The following SND1 variants were observed in gnomAD, a reference collection of about 807,000 sequenced individuals.
The protein encoded by SND1 is staphylococcal nuclease domain-containing protein 1.
SND1 carries 38 observed loss-of-function variants against 121.7 expected under a neutral mutation model. The ratio of observed to expected loss-of-function variants is 0.31; its 90% CI spans 0.24 to 0.41. The LOEUF (loss-of-function observed/expected upper bound fraction) is 0.41, where lower values mean the gene tolerates loss of function less well. Among genes scored for constraint, SND1 ranks in the 10% least tolerant of loss-of-function variants. The pLI is 1.00. For missense variants in SND1, 868 were observed against 1,184.6 expected, an observed-to-expected ratio of 0.73 and a Z score of 3.92; for synonymous variants, 401 against 447.4, an observed-to-expected ratio of 0.90 and a Z score of 1.31.
chr7:127,819,997 T>A (rs954607043), intron 11 of SND1, among the ~76,000 whole-genome samples: 3 of 152,194 alleles, frequency 2.0e-5, no homozygotes, highest in Admixed American at 1.3e-4. Flanking sequence ...TGACTTTAAT[T>A]ATCTTAATCA....
In SND1 at chr7:127,807,510, G is replaced by T; in HGVS notation, c.1179G>T (p.Leu393=). 1 of 1,614,000 alleles carries T rather than the reference G, an allele frequency of 6.2e-7. No individual in the cohort carries two copies. Among genetic ancestry groups the T allele is most frequent in the Non-Finnish European group, 8.5e-7 (1 of 1,179,914 alleles). The change falls in exon 11 of 24, where the codon CTG becomes CTT. Residue 393 remains leucine (L), a synonymous_variant. Transcript: ENST00000354725. The stretch of plus-strand genomic sequence containing the variant: ...ATAAGAACAAGAAACTGCGTCCCCT[G>T]TATGACATTCCTTACATGTTTGAGG... ...TQDKNKKLRP[L]YDIPYMFEAR...
At chr7:127,807,624 A>G (rs1310836212) in intron 11 of SND1, 51 bp downstream of exon 11, 1 of 1,416,724 alleles carries the variant, frequency 7.1e-7, no homozygotes, top group African/African-American at 1.4e-5. Flanking sequence ...GCTTAAGCTA[A>G]TCTTTTGGAG....
rs183870358 is a variant in SND1 at position 127,952,532 on chromosome 7, T to C, written c.1669+23203T>C. Among the ~76,000 whole-genome samples, 140 of 150,312 alleles carry C rather than the reference T, an allele frequency of 9.3e-4. 1 individual carries two copies. Among genetic ancestry groups the C allele is most frequent in the Middle Eastern group, 3.4e-3 (1 of 294 alleles). On this transcript the variant is annotated intron_variant, in intron 15 of 23. Coordinates refer to ENST00000354725, the MANE Select transcript of SND1 (RefSeq NM_014390.4). Reference sequence around the variant, plus strand: ...TGAAAATTAGGAACTCTGAGCTTTCTTGTATTTTTTCAGACCCCATGGCCT... The same window carrying C: ...TGAAAATTAGGAACTCTGAGCTTTCCTGTATTTTTTCAGACCCCATGGCCT...
At chr7:127,691,449 C>T (rs1199293520) in intron 2 of SND1, among the ~76,000 whole-genome samples, 1 of 151,676 alleles carries the variant, frequency 6.6e-6, no homozygotes. Context: ...GAGGCTGAGG[C>T]AGGAGAATTG....
At chr7:128,051,168 T>G (rs111272341) in intron 16 of SND1, among the ~76,000 whole-genome samples, 178 of 152,294 alleles carry the variant, frequency 1.2e-3, no homozygotes, top group African/African-American at 3.8e-3. Flanking sequence ...TGTCACCAAA[T>G]CCTTCCCATG....
rs1485910893 is a variant in SND1 at position 127,980,117 on chromosome 7, T to TCTCAGCCCAGAGG, written c.1670-10830_1670-10829insCTCAGCCCAGAGG. Among the ~76,000 whole-genome samples the TCTCAGCCCAGAGG allele has an allele frequency of 2.6e-3, 121 of 46,948 alleles. 1 individual carries two copies. Among genetic ancestry groups the TCTCAGCCCAGAGG allele is most frequent in the Non-Finnish European group, 3.0e-3 (79 of 26,282 alleles). The allele number at this position is 46,948 out of a possible 152,430, so 30.8% of individuals were successfully genotyped here. On this transcript the variant is annotated intron_variant, in intron 15 of 23. Transcript: ENST00000354725. ...TTTATTTTATTCTTTTTCTTTTTTT[T>TCTCAGCCCAGAGG]TTTTTTTTTTTTTGAGACGGAGTCT...
intron 10 of SND1, among the ~76,000 whole-genome samples, chr7:127,794,644 C>T (rs1197123940): frequency 2.0e-5 from 3 of 152,200 alleles, no homozygotes; most frequent in South Asian, 2.1e-4. Context: ...TTCTTTTCCT[C>T]CTGTTCTTTT....
intron 12 of SND1, among the ~76,000 whole-genome samples, chr7:127,849,229 C>A (rs181002173): frequency 3.3e-5 from 5 of 152,130 alleles, no homozygotes; most frequent in Admixed American, 3.3e-4. Context: ...ATGATTTAGT[C>A]GTCTATGTAA....
intron 12 of SND1, among the ~76,000 whole-genome samples, chr7:127,882,400 G>T (rs1008835585): frequency 7.2e-5 from 9 of 124,660 alleles, no homozygotes; most frequent in African/African-American, 2.6e-4. Context: ...GGGAGGGAGG[G>T]AGGGACGGAG....
intron 21 of SND1, among the ~76,000 whole-genome samples, chr7:128,087,315 G>T (rs1392275185): frequency 6.6e-6 from 1 of 152,118 alleles, no homozygotes; most frequent in Non-Finnish European, 1.5e-5. Context: ...TTGGGCAGTG[G>T]CAGGAGGTGA....
intron 14 of SND1, 73 bp downstream of exon 14, chr7:127,904,892 T>G: frequency 2.1e-6 from 2 of 966,078 alleles, no homozygotes; most frequent in South Asian, 2.6e-5. Context: ...GCTGAAGGAC[T>G]TCAGCTTATG....
In SND1 at chr7:128,077,484, T is replaced by C. The variant is rs1174923893; in HGVS notation, c.1968+2794T>C. 7.9e-5 allele frequency among the ~76,000 whole-genome samples: 12 copies of C among 152,292 alleles called. No individual in the cohort carries two copies. In the East Asian group the frequency reaches 2.1e-3, roughly 27 times the overall value. Reference sequence around the variant, plus strand: ...GACCCGAGCAAGACAGGAACTTGCATGGCAGAGCAGCCTGGAGCAGATGAA... The same window carrying C: ...GACCCGAGCAAGACAGGAACTTGCACGGCAGAGCAGCCTGGAGCAGATGAA... On this transcript the variant is annotated intron_variant, in intron 17 of 23. Transcript: ENST00000354725.
chr7:127,910,625 A>G (rs1194268965), intron 14 of SND1, among the ~76,000 whole-genome samples: 3 of 152,176 alleles, frequency 2.0e-5, no homozygotes, highest in East Asian at 3.9e-4. Context: ...ATATGATTCT[A>G]ATGTTCCTTT....
At chr7:127,828,040 A>T (rs1046648608) in intron 11 of SND1, among the ~76,000 whole-genome samples, 2 of 152,276 alleles carry the variant, frequency 1.3e-5, no homozygotes, top group Non-Finnish European at 1.5e-5. Context: ...GCTGTTGCCC[A>T]GGCTGGAGTG....
chr7:128,067,586 G>A (rs949869067), intron 16 of SND1, among the ~76,000 whole-genome samples: 2 of 152,148 alleles, frequency 1.3e-5, no homozygotes, highest in African/African-American at 4.8e-5. Flanking sequence ...TGCCTGTCCT[G>A]CTTGAGGCAG....
At chr7:127,675,051 A>G (rs1795592258) in intron 1 of SND1, among the ~76,000 whole-genome samples, 1 of 152,148 alleles carries the variant, frequency 6.6e-6, no homozygotes, top group Non-Finnish European at 1.5e-5. Context: ...AAATACAAAA[A>G]TTAGCTGCAC....
Position 128,077,390 on chromosome 7 carries a change from G to A in SND1, c.1968+2700G>A, listed in dbSNP as rs561871279. ...TTCCTGACCTGCCTGGTCTGTGCCTGGCTTGATGGGCTCTTTCCCTCAGGG... is the reference window on the plus strand; with the variant it reads ...TTCCTGACCTGCCTGGTCTGTGCCTAGCTTGATGGGCTCTTTCCCTCAGGG... On this transcript the variant is annotated intron_variant, in intron 17 of 23. Coordinates refer to ENST00000354725, the MANE Select transcript of SND1 (RefSeq NM_014390.4). Among the ~76,000 whole-genome samples the A allele has an allele frequency of 4.6e-5, 7 of 152,320 alleles. No individual in the cohort carries two copies. The South Asian group carries it at 1.4e-3, about 32-fold the overall frequency.
At chr7:127,903,836 C>A (rs935279463) in intron 13 of SND1, among the ~76,000 whole-genome samples, 4 of 152,196 alleles carry the variant, frequency 2.6e-5, no homozygotes, top group African/African-American at 9.6e-5. Context: ...TTTCTCAACA[C>A]TTCCTCTGGA....
intron 10 of SND1, among the ~76,000 whole-genome samples, chr7:127,761,698 C>T (rs1797308972): frequency 6.6e-6 from 1 of 152,172 alleles, no homozygotes; most frequent in African/African-American, 2.4e-5. Flanking sequence ...TCTTTATACC[C>T]ATCTTTCCTT....
Sources: allele counts gnomAD v4.1 joint callset (sites outside exome capture counted in the v4.1 genomes callset), GRCh38; gene constraint gnomAD v4.1.1; transcripts MANE v1.5; gene names NCBI Gene and HGNC (gene_info 2026-07-23, HGNC 2026-07-21).